Variants in CDH13 observed in about 807,000 individuals in gnomAD.
CDH13 encodes cadherin 13, also known as cadherin-13.
CDH13 carries 24 observed loss-of-function variants against 63.8 expected under a neutral mutation model. That is an observed-to-expected ratio of 0.38 (90% CI 0.27 to 0.53). The LOEUF (loss-of-function observed/expected upper bound fraction) is 0.53. Among genes scored for constraint, CDH13 ranks in the 20% least tolerant of loss-of-function variants. The pLI is 0.85. For missense variants in CDH13, 1,049 were observed against 903.1 expected (o/e 1.16, Z -2.07); for synonymous variants, 503 against 355.3 (o/e 1.42, Z -4.67).
chr16:82,802,032 G>C (rs117109246), intron 1 of CDH13, among the ~76,000 whole-genome samples: 23 of 152,304 alleles, frequency 1.5e-4, no homozygotes, highest in African/African-American at 5.3e-4. Flanking sequence ...TTCCGTTGAG[G>C]ATCTCTGGAA....
intron 7 of CDH13, among the ~76,000 whole-genome samples, chr16:83,505,531 CTTTTTTTTT>C (rs5818453): frequency 1.0e-5 from 1 of 97,376 alleles, no homozygotes; most frequent in African/African-American, 4.2e-5. Context: ...GTGATTAATC[CTTTTTTTTT>C]TTTTTTTTTT....
At chr16:83,289,811 A>T (rs1358618924) in intron 5 of CDH13, among the ~76,000 whole-genome samples, 2 of 152,210 alleles carry the variant, frequency 1.3e-5, no homozygotes, top group African/African-American at 4.8e-5. Context: ...TCTATCATAC[A>T]GTTAGCCTGT....
intron 1 of CDH13, among the ~76,000 whole-genome samples, chr16:82,659,669 G>A (rs1911706628): frequency 6.6e-6 from 1 of 152,140 alleles, no homozygotes; most frequent in South Asian, 2.1e-4. Flanking sequence ...GCGAGGCACT[G>A]GAATACAATG....
intron 1 of CDH13, among the ~76,000 whole-genome samples, chr16:82,813,009 G>C (rs2037522983): frequency 1.3e-5 from 2 of 152,098 alleles, no homozygotes; most frequent in South Asian, 4.1e-4. Flanking sequence ...AAACCTGGGA[G>C]TTGAATCAAT....
At chr16:82,880,619 C>T (rs757643964) in intron 2 of CDH13, among the ~76,000 whole-genome samples, 2 of 152,126 alleles carry the variant, frequency 1.3e-5, no homozygotes, top group Non-Finnish European at 2.9e-5. Flanking sequence ...TCTAATAGCC[C>T]AAGTCAATGG....
chr16:82,722,365 G>A (rs981005477), intron 1 of CDH13, among the ~76,000 whole-genome samples: 1 of 152,038 alleles, frequency 6.6e-6, no homozygotes, highest in Admixed American at 6.6e-5. Context: ...TGTGATACCG[G>A]CTATTGGCAG....
chr16:83,575,316 T>C (rs1905007652), intron 7 of CDH13, among the ~76,000 whole-genome samples: 2 of 152,244 alleles, frequency 1.3e-5, no homozygotes, highest in Non-Finnish European at 2.9e-5. Context: ...ATGTGAATTA[T>C]ATCTCAGAAA....
chr16:83,757,176 T>A (rs930048837), intron 11 of CDH13, among the ~76,000 whole-genome samples: 1 of 152,110 alleles, frequency 6.6e-6, no homozygotes, highest in African/African-American at 2.4e-5. Flanking sequence ...AAATAACTCA[T>A]AATCAAAAAC....
intron 6 of CDH13, among the ~76,000 whole-genome samples, chr16:83,464,560 A>G (rs888665701): frequency 1.5e-4 from 23 of 151,956 alleles, no homozygotes; most frequent in Admixed American, 4.6e-4. Context: ...GGATTTCACC[A>G]CATTGGCCAG....
At chr16:83,068,004 T>C (rs985149720) in intron 3 of CDH13, among the ~76,000 whole-genome samples, 13 of 152,162 alleles carry the variant, frequency 8.5e-5, no homozygotes, top group African/African-American at 3.1e-4. Context: ...CATGATCAGT[T>C]CATCATCTCA....
At chr16:83,460,479 A>G (rs1208253330) in intron 6 of CDH13, among the ~76,000 whole-genome samples, 6 of 152,212 alleles carry the variant, frequency 3.9e-5, no homozygotes, top group Admixed American at 3.9e-4. Flanking sequence ...CTACATGCTC[A>G]TTGATGGAAG....
intron 10 of CDH13, among the ~76,000 whole-genome samples, chr16:83,719,810 A>G (rs1909443726): frequency 1.3e-5 from 2 of 151,996 alleles, no homozygotes; most frequent in Admixed American, 6.5e-5. Context: ...CACAGCCACT[A>G]TGGAATACAC....
chr16:83,123,221 C>A, intron 3 of CDH13, among the ~76,000 whole-genome samples: 1 of 151,060 alleles, frequency 6.6e-6, no homozygotes, highest in East Asian at 1.9e-4. Context: ...TTTATATATA[C>A]GTATAGATAT....
At chr16:83,431,994 C>T (rs1357363601) in intron 6 of CDH13, among the ~76,000 whole-genome samples, 1 of 152,060 alleles carries the variant, frequency 6.6e-6, no homozygotes, top group Non-Finnish European at 1.5e-5. Context: ...TCCTTCTGGC[C>T]ACTTTGTTGA....
At chr16:83,071,475 G>T (rs918808538) in intron 3 of CDH13, among the ~76,000 whole-genome samples, 1 of 152,130 alleles carries the variant, frequency 6.6e-6, no homozygotes, top group Non-Finnish European at 1.5e-5. Context: ...CTTGGTTAAA[G>T]GGCCAGACCC....
At chr16:83,008,881 G>A (rs1366821062) in intron 2 of CDH13, among the ~76,000 whole-genome samples, 1 of 152,194 alleles carries the variant, frequency 6.6e-6, no homozygotes, top group East Asian at 1.9e-4. Flanking sequence ...AGCATGGCTG[G>A]GGAGGTCTCA....
chr16:82,732,659 G>A (rs1308979547), intron 1 of CDH13, among the ~76,000 whole-genome samples: 1 of 152,182 alleles, frequency 6.6e-6, no homozygotes, highest in Non-Finnish European at 1.5e-5. Flanking sequence ...ATAAAAGCCA[G>A]CAGCAGTTAA....
intron 3 of CDH13, among the ~76,000 whole-genome samples, chr16:83,053,536 G>C (rs1314306825): frequency 6.6e-6 from 1 of 152,102 alleles, no homozygotes; most frequent in African/African-American, 2.4e-5. Context: ...ATTGAAAACA[G>C]ATTGGCTGAA....
At position 83,344,897 on chromosome 16, in the gene CDH13, T is replaced by G; in HGVS notation, c.672T>G (p.Thr224=). Residue 224 remains threonine, a synonymous_variant, in exon 6 of 14, where the codon ACT becomes ACG. Transcript: ENST00000567109. The part of the protein sequence containing the change: ...FVETTDVNGK[T]LEGPVPLEVI... ...AGACCACTGATGTCAATGGCAAAACTCTCGAGGGGCCGGTGCCTCTGGAAG... is the reference window on the plus strand; with the variant it reads ...AGACCACTGATGTCAATGGCAAAACGCTCGAGGGGCCGGTGCCTCTGGAAG... 1 of 1,613,958 alleles carries G rather than the reference T, an allele frequency of 6.2e-7. No homozygotes were observed. Among genetic ancestry groups the G allele is most frequent in the Non-Finnish European group, 8.5e-7 (1 of 1,179,832 alleles).
Sources: allele counts gnomAD v4.1 joint callset (sites outside exome capture counted in the v4.1 genomes callset), GRCh38; gene constraint gnomAD v4.1.1; transcripts MANE v1.5; gene names NCBI Gene and HGNC (gene_info 2026-07-23, HGNC 2026-07-21).